COL4A1: variants seen among roughly 807,000 people sequenced by gnomAD.
COL4A1 encodes the protein collagen type IV alpha 1 chain.
COL4A1 carries 40 observed loss-of-function variants against 216.6 expected under a neutral mutation model. The ratio of observed to expected loss-of-function variants is 0.18; its 90% CI spans 0.14 to 0.24. The LOEUF (loss-of-function observed/expected upper bound fraction) is 0.24, where lower values mean the gene tolerates loss of function less well. Among genes scored for constraint, COL4A1 ranks in the 10% least tolerant of loss-of-function variants. The pLI, the probability that COL4A1 is intolerant of heterozygous loss-of-function variation, is 1.00. For missense variants in COL4A1, 1,628 were observed against 2,196.8 expected, an observed-to-expected ratio of 0.74 and a Z score of 5.18; for synonymous variants, 839 against 810.7, an observed-to-expected ratio of 1.03 and a Z score of -0.59.
At chr13:110,215,870 T>C (rs1246052529) in intron 2 of COL4A1, among the ~76,000 whole-genome samples, 1 of 152,212 alleles carries the variant, frequency 6.6e-6, no homozygotes, top group Non-Finnish European at 1.5e-5. Context: ...GGCACTTAAC[T>C]GGTGAATTAA....
intron 2 of COL4A1, among the ~76,000 whole-genome samples, chr13:110,219,848 ATATATATGTATATATGTGTGTG>A (rs1290912445): frequency 0.1 from 7,577 of 74,012 alleles, 771 homozygotes; most frequent in Admixed American, 0.15. Context: ...ATATATGTGT[ATATATATGTATATATGTGTGTG>A]TATATATGTA....
At chr13:110,269,223 CTT>C (rs1347425017) in intron 1 of COL4A1, among the ~76,000 whole-genome samples, 1 of 152,192 alleles carries the variant, frequency 6.6e-6, no homozygotes, top group Non-Finnish European at 1.5e-5. Context: ...TAAAATAAGA[CTT>C]TTCTATTCTC....
intron 1 of COL4A1, among the ~76,000 whole-genome samples, chr13:110,270,250 C>A (rs543197403): frequency 2.0e-5 from 3 of 152,318 alleles, no homozygotes; most frequent in African/African-American, 7.2e-5. Context: ...GGCACATTAA[C>A]GATTTCCTTG....
chr13:110,212,652 G>C, intron 4 of COL4A1, 34 bp from the exon 5 acceptor site: 1 of 1,612,566 alleles, frequency 6.2e-7, no homozygotes, highest in Non-Finnish European at 8.5e-7. Context: ...TGTCAGTGAA[G>C]AGCCGGGAAG....
rs1363290269 is a variant in COL4A1, at chr13:110,205,493, C to T, written c.903+1G>A. 2 of 1,607,056 alleles carry T rather than the reference C, an allele frequency of 1.2e-6. No individual in the cohort carries two copies. The highest frequency in any genetic ancestry group is 2.2e-5 in the South Asian group (2 of 91,074). ...TGTAAAAACCACAGAGAAACACTTA[C>T]GGGACTCCCTTTTTCCCCTTTGTCA... On this transcript the variant is annotated splice_donor_variant, in intron 16 of 51. Coordinates refer to ENST00000375820, the MANE Select transcript of COL4A1 (RefSeq NM_001845.6). LOFTEE classifies it high-confidence loss of function.
Position 110,177,007 on chromosome 13 carries a change from G to T in COL4A1, c.2747C>A (p.Pro916His). ...GDHGFPGSSGPRGDPGLKGDK... is the reference protein window; with the variant it reads ...GDHGFPGSSGHRGDPGLKGDK... ...ACCTTTCAAGCCAGGGTCTCCCCTG[G>T]GTCCTGAGGAGCCCGGAAAGCCATG... is the stretch of plus-strand genomic sequence containing the variant. The change falls in exon 34 of 52, where the codon CCC (proline) becomes CAC (histidine). Residue 916 changes from proline to histidine, a missense_variant. Around this residue, in one of 8 missense-constraint regions of COL4A1, gnomAD observed 701 missense variants for 892.5 expected, o/e 0.79. Transcript: ENST00000375820. The T allele has an allele frequency of 1.9e-6, 3 of 1,614,062 alleles. No individual in the cohort carries two copies. The highest frequency in any genetic ancestry group is 2.5e-6 in the Non-Finnish European group (3 of 1,180,034).
In COL4A1 at chr13:110,211,591, G is replaced by A; in HGVS notation, c.468+56C>T. On this transcript the variant is annotated intron_variant, in intron 8 of 51. Transcript: ENST00000375820. The surrounding 1 kb of genome is among the most constrained non-coding windows in gnomAD (Gnocchi z 4.3). ...AAGAGAATGTGCTTCTATGGCACTT[G>A]TTGTAAACAGATTCCCTGTAATGAA... The A allele has an allele frequency of 6.4e-7, 1 of 1,554,130 alleles. No homozygotes were observed. The highest frequency in any genetic ancestry group is 8.8e-7 in the Non-Finnish European group (1 of 1,136,132).
At chr13:110,243,322 C>CTT (rs572917767) in intron 1 of COL4A1, among the ~76,000 whole-genome samples, 2 of 147,150 alleles carry the variant, frequency 1.4e-5, no homozygotes, top group African/African-American at 4.9e-5. Context: ...TTGTAGTTCA[C>CTT]TTTTTTTTTT....
intron 20 of COL4A1, among the ~76,000 whole-genome samples, chr13:110,200,151 G>A (rs1242069087): frequency 6.6e-6 from 1 of 152,282 alleles, no homozygotes; most frequent in Non-Finnish European, 1.5e-5. Context: ...GTGTGCCAAT[G>A]CTAGGGCACG....
intron 2 of COL4A1, among the ~76,000 whole-genome samples, chr13:110,223,893 G>A (rs1880618358): frequency 6.6e-6 from 1 of 152,186 alleles, no homozygotes; most frequent in Admixed American, 6.5e-5. Flanking sequence ...CCAAGAGTTG[G>A]GAAGCCAACT....
At chr13:110,194,375 A>G (rs1263205692) in intron 22 of COL4A1, among the ~76,000 whole-genome samples, 1 of 152,228 alleles carries the variant, frequency 6.6e-6, no homozygotes, top group Non-Finnish European at 1.5e-5. Flanking sequence ...CGGGTTACTA[A>G]CAGGCATATA....
intron 1 of COL4A1, among the ~76,000 whole-genome samples, chr13:110,291,535 G>A (rs546818666): frequency 1.2e-4 from 19 of 152,298 alleles, no homozygotes; most frequent in African/African-American, 4.1e-4. Context: ...TCAGCCCTGC[G>A]AGGCTGGCCA....
chr13:110,242,869 G>A, intron 1 of COL4A1, 135 bp from the exon 2 acceptor site: 1 of 964,956 alleles, frequency 1.0e-6, no homozygotes, highest in Non-Finnish European at 1.7e-6. Context: ...AATCTTATCT[G>A]CACTGGTTTT....
rs550381528 is a variant in COL4A1, at chr13:110,176,651, C to T, written c.2943G>A (p.Gly981=). 1 of 1,614,174 alleles carries T rather than the reference C, an allele frequency of 6.2e-7. No individual in the cohort carries two copies. The highest frequency in any genetic ancestry group is 1.3e-5 in the African/African-American group (1 of 75,056). The change falls in exon 35 of 52, where the codon GGG becomes GGA. Residue 981 remains glycine, a synonymous_variant. Coordinates refer to ENST00000375820, the MANE Select transcript of COL4A1 (RefSeq NM_001845.6). The part of the protein sequence containing the change: ...PGTPGVPGKD[G]QAGQPGQPGP... ...CTGGCTGCCCAGGCTGTCCTGCCTG[C>T]CCGTCCTTTCCAGGCACTCCTGGGG...
intron 1 of COL4A1, among the ~76,000 whole-genome samples, chr13:110,253,598 CGT>C (rs1566418542): frequency 4.2e-5 from 5 of 119,762 alleles, no homozygotes; most frequent in African/African-American, 8.2e-5. Context: ...TATAATTATA[CGT>C]ATGTATGTAT....
At chr13:110,228,508 C>A (rs1448848423) in intron 2 of COL4A1, among the ~76,000 whole-genome samples, 1 of 151,862 alleles carries the variant, frequency 6.6e-6, no homozygotes, top group Admixed American at 6.6e-5. Context: ...AACACGTGAC[C>A]CAGAATGCGA....
chr13:110,257,571 C>T (rs1399843040), intron 1 of COL4A1, among the ~76,000 whole-genome samples: 2 of 152,168 alleles, frequency 1.3e-5, no homozygotes, highest in Non-Finnish European at 2.9e-5. Flanking sequence ...CAATGACATA[C>T]ACTGGTATTT....
At chr13:110,306,905 G>C (rs1293752532) in intron 1 of COL4A1, 39 bp downstream of exon 1, 1 of 1,434,966 alleles carries the variant, frequency 7.0e-7, no homozygotes, top group South Asian at 1.4e-5. Context: ...GCCCAAGCTC[G>C]GGGCGGGACG....
At chr13:110,246,427 A>G (rs1881816362) in intron 1 of COL4A1, among the ~76,000 whole-genome samples, 1 of 136,598 alleles carries the variant, frequency 7.3e-6, no homozygotes, top group African/African-American at 2.7e-5. Flanking sequence ...GAATTAAAAT[A>G]AAAGTCAGGT....
Sources: allele counts gnomAD v4.1 joint callset (sites outside exome capture counted in the v4.1 genomes callset), GRCh38; gene constraint gnomAD v4.1.1; regional missense constraint gnomAD v4.1.1; non-coding constraint Gnocchi (gnomAD v3.1); transcripts MANE v1.5; gene names NCBI Gene and HGNC (gene_info 2026-07-23, HGNC 2026-07-21).